The following SESTD1 variants were observed in gnomAD, a reference collection of about 807,000 sequenced individuals.
SESTD1 encodes SEC14 and spectrin domain containing 1.
A neutral mutation model predicts 101.7 loss-of-function variants in SESTD1; 43 were observed. The observed-to-expected ratio is 0.42, with a 90% CI of 0.33 to 0.55. The LOEUF (loss-of-function observed/expected upper bound fraction) is 0.55. Ranked by LOEUF, SESTD1 falls within the 20% of genes least tolerant of loss-of-function variation. The probability of loss-of-function intolerance (pLI) is 0.07; values close to 1 mark genes in which losing one functional copy is unlikely to be tolerated. For synonymous variants in SESTD1, 283 were observed against 286.8 expected (o/e 0.99, Z 0.13); for missense variants, 647 against 815.1 (o/e 0.79, Z 2.51).
chr2:179,254,308 T>C (rs530165471), intron 1 of SESTD1, among the ~76,000 whole-genome samples: 1 of 152,294 alleles, frequency 6.6e-6, no homozygotes, highest in East Asian at 1.9e-4. Context: ...TAAGGCTTTC[T>C]ACAACCCCTT....
intron 5 of SESTD1, among the ~76,000 whole-genome samples, chr2:179,169,586 T>C (rs1012167276): frequency 6.6e-6 from 1 of 152,092 alleles, no homozygotes; most frequent in East Asian, 1.9e-4. Flanking sequence ...TTAAGAATCA[T>C]CTTGACAGTT....
chr2:179,189,382 A>C (rs2046285888), intron 2 of SESTD1, among the ~76,000 whole-genome samples: 1 of 152,220 alleles, frequency 6.6e-6, no homozygotes, highest in Admixed American at 6.5e-5. Flanking sequence ...TTTCATGATA[A>C]AAACCCTCAA....
chr2:179,245,953 T>A (rs1281444224), intron 1 of SESTD1, among the ~76,000 whole-genome samples: 1 of 151,642 alleles, frequency 6.6e-6, no homozygotes, highest in Admixed American at 6.6e-5. Context: ...ATGGAAAAAA[T>A]AAATCATGTA....
chr2:179,165,473 T>C (rs1043601203), intron 5 of SESTD1, among the ~76,000 whole-genome samples: 2 of 152,200 alleles, frequency 1.3e-5, no homozygotes, highest in African/African-American at 4.8e-5. Flanking sequence ...GTACCGGGTG[T>C]TCACAGCTTT....
rs2044351096 is a variant in SESTD1, at chr2:179,105,099, C to T, written c.*4800G>A. 1 of 151,934 alleles carries T rather than the reference C, an allele frequency of 6.6e-6. No individual in the cohort carries two copies. The highest frequency in any genetic ancestry group is 2.1e-4 in the South Asian group (1 of 4,820). The allele number at this position is 151,934 out of a possible 1,614,324, so 9.4% of individuals were successfully genotyped here. On this transcript the variant is annotated 3_prime_UTR_variant, in exon 18 of 18. Coordinates refer to ENST00000428443, the MANE Select transcript of SESTD1 (RefSeq NM_178123.5). ...CAGTCGGCCATTTTCTGTTCATCAT[C>T]ACTGCCTGAGTTTACCAAGAGACTG... is the stretch of plus-strand genomic sequence containing the variant.
At chr2:179,229,485 C>T (rs1003367711) in intron 1 of SESTD1, among the ~76,000 whole-genome samples, 28 of 151,714 alleles carry the variant, frequency 1.8e-4, no homozygotes, top group East Asian at 1.2e-3. Flanking sequence ...TCTCAGCCTC[C>T]GTGATTACAT....
intron 13 of SESTD1, among the ~76,000 whole-genome samples, chr2:179,120,710 A>G (rs1164473046): frequency 6.8e-6 from 1 of 146,632 alleles, no homozygotes; most frequent in Admixed American, 6.6e-5. Flanking sequence ...CACTGAATGA[A>G]ATAGTTAGGG....
At chr2:179,176,377 A>G (rs4082519) in intron 4 of SESTD1, 71 bp downstream of exon 4, 1 of 1,165,548 alleles carries the variant, frequency 8.6e-7, no homozygotes, top group Non-Finnish European at 1.3e-6. Context: ...AATTAAATGC[A>G]TTTGCCATTT....
intron 1 of SESTD1, among the ~76,000 whole-genome samples, chr2:179,196,781 G>T (rs886872039): frequency 4.6e-5 from 7 of 152,094 alleles, no homozygotes; most frequent in Non-Finnish European, 1.5e-5. Flanking sequence ...CAAACAGAAA[G>T]GACATCCACA....
At chr2:179,148,969 A>C (rs571625011) in intron 7 of SESTD1, among the ~76,000 whole-genome samples, 105 of 145,698 alleles carry the variant, frequency 7.2e-4, no homozygotes, top group African/African-American at 2.5e-3. Context: ...CTGAGGCAGG[A>C]GAATGGCGGG....
chr2:179,249,094 G>GAAAAA (rs1198155036), intron 1 of SESTD1, among the ~76,000 whole-genome samples: 4 of 58,652 alleles, frequency 6.8e-5, no homozygotes, highest in Admixed American at 1.9e-4. Flanking sequence ...CCGTCTTTAA[G>GAAAAA]AAAAAAAAAA....
rs549986988 is a variant in SESTD1 at position 179,166,391 on chromosome 2, C to T, written c.369+5729G>A. 1.9e-4 allele frequency among the ~76,000 whole-genome samples: 29 copies of T among 152,192 alleles called. No homozygotes were observed. The South Asian group carries it at 4.2e-3, about 22-fold the overall frequency. On this transcript the variant is annotated intron_variant, in intron 5 of 17. Transcript: ENST00000428443. ...TGAAAAAAAAAATCTTAGAGTGCTG[C>T]GGAAAGGACTGAAAATCCTGCTGAC... is the stretch of plus-strand genomic sequence containing the variant.
intron 16 of SESTD1, among the ~76,000 whole-genome samples, 196 bp from the exon 17 acceptor site, chr2:179,113,041 A>C (rs139705098): frequency 1.3e-5 from 2 of 152,234 alleles, no homozygotes; most frequent in South Asian, 4.1e-4. Flanking sequence ...AGATTGATCT[A>C]TTATTGGCAA....
chr2:179,201,844 A>C (rs2046520826), intron 1 of SESTD1, among the ~76,000 whole-genome samples: 1 of 129,688 alleles, frequency 7.7e-6, no homozygotes, highest in Non-Finnish European at 1.6e-5. Flanking sequence ...TAGTGGGTGC[A>C]GCGCACCAGC....
At chr2:179,176,250 GT>G (rs2046010215) in intron 4 of SESTD1, among the ~76,000 whole-genome samples, 197 bp downstream of exon 4, 1 of 152,116 alleles carries the variant, frequency 6.6e-6, no homozygotes, top group South Asian at 2.1e-4. Context: ...TAGAATAGAG[GT>G]GAGATATACT....
intron 1 of SESTD1, among the ~76,000 whole-genome samples, chr2:179,243,499 A>T (rs1430256555): frequency 2.6e-5 from 4 of 152,214 alleles, no homozygotes; most frequent in Non-Finnish European, 1.5e-5. Flanking sequence ...AAAGACATGG[A>T]ATCAATCTAG....
intron 16 of SESTD1, 42 bp downstream of exon 16, chr2:179,115,023 A>C (rs752515056): frequency 6.5e-7 from 1 of 1,538,828 alleles, no homozygotes; most frequent in South Asian, 1.2e-5. Context: ...AACACATATA[A>C]TCAATACCAC....
At chr2:179,224,524 T>C (rs960866789) in intron 1 of SESTD1, among the ~76,000 whole-genome samples, 20 of 152,196 alleles carry the variant, frequency 1.3e-4, no homozygotes, top group African/African-American at 4.8e-4. Flanking sequence ...GTCTTTTGTA[T>C]GCTAATGAAA....
rs2044370571 is a variant in SESTD1 at position 179,105,813 on chromosome 2, T to A, written c.*4086A>T. On this transcript the variant is annotated 3_prime_UTR_variant, in exon 18 of 18. Coordinates refer to ENST00000428443, the MANE Select transcript of SESTD1 (RefSeq NM_178123.5). ...TTTAACAGTAAATGGCAAAGCCAGATTTTTGAAGCCAAGTATTCAAGCTCC... is the reference window on the plus strand; with the variant it reads ...TTTAACAGTAAATGGCAAAGCCAGAATTTTGAAGCCAAGTATTCAAGCTCC... 6.6e-6 allele frequency: 1 copy of A among 152,176 alleles called. No homozygotes were observed. The highest frequency in any genetic ancestry group is 2.1e-4 in the South Asian group (1 of 4,832). 9.4% of individuals were successfully genotyped at this position (152,176 alleles called of 1,614,324 possible). A position where few individuals can be genotyped will look rare whatever the true frequency, so the allele number is the denominator to read the frequency against.
Sources: gnomAD v4.1 joint callset for allele counts (sites outside exome capture counted in the v4.1 genomes callset) on GRCh38, gnomAD v4.1.1 for gene constraint, MANE v1.5 for transcripts, NCBI Gene and HGNC (gene_info 2026-07-23, HGNC 2026-07-21) for gene names.